The following SEMA4B variants were observed in gnomAD, a reference collection of about 807,000 sequenced individuals.
SEMA4B encodes the protein semaphorin 4B.
In SEMA4B, 55 loss-of-function variants were observed where a neutral mutation model predicts 88.1. The observed-to-expected ratio is 0.62, with a 90% confidence interval of 0.50 to 0.78. The LOEUF is 0.78. Ranked by LOEUF, SEMA4B falls within the 30% of genes least tolerant of loss-of-function variation. The pLI, the probability that SEMA4B is intolerant of heterozygous loss-of-function variation, is 0.00. For missense variants in SEMA4B, 1,062 were observed against 1,111.9 expected (o/e 0.96, Z 0.64); for synonymous variants, 525 against 473.6 (o/e 1.11, Z -1.41).
intron 1 of SEMA4B, among the ~76,000 whole-genome samples, chr15:90,187,569 G>C (rs1596111607): frequency 6.6e-6 from 1 of 152,198 alleles, no homozygotes; most frequent in African/African-American, 2.4e-5. Context: ...TCTGAGCAGA[G>C]TGCAGAGGGA....
At chr15:90,208,845 G>A (rs940971081) in intron 1 of SEMA4B, among the ~76,000 whole-genome samples, 7 of 151,468 alleles carry the variant, frequency 4.6e-5, no homozygotes, top group African/African-American at 1.2e-4. Context: ...AGGCTTAAGC[G>A]ATCTTCCCAC....
chr15:90,206,971 A>C (rs1290217768), intron 1 of SEMA4B: 1 of 558,466 alleles, frequency 1.8e-6, no homozygotes, highest in Non-Finnish European at 3.2e-6. Context: ...GAAATGAAGA[A>C]AATATCTTTG....
At chr15:90,217,893 A>G (rs1961614996) in intron 3 of SEMA4B, 64 bp downstream of exon 3, 11 of 1,417,516 alleles carry the variant, frequency 7.8e-6, no homozygotes, top group South Asian at 7.2e-5. Flanking sequence ...ACTTCCATCC[A>G]GGCCAGAGGC....
chr15:90,212,586 G>T lies in SEMA4B; in HGVS notation c.158-4853G>T, dbSNP rs1961322442. Among the ~76,000 whole-genome samples the T allele has an allele frequency of 6.6e-6, 1 of 152,050 alleles. No homozygotes were observed. On this transcript the variant is annotated intron_variant, in intron 1 of 13. Coordinates refer to ENST00000411539, the MANE Select transcript of SEMA4B (RefSeq NM_198925.4). The surrounding 1 kb of genome is among the most constrained non-coding windows in gnomAD (Gnocchi z 4.0). ...AAAGTGCAGAAACACCTCCACCCCT[G>T]CACAAAGAGCACCTAGGAGTGAGTG...
intron 1 of SEMA4B, among the ~76,000 whole-genome samples, chr15:90,215,379 T>C (rs1316198092): frequency 6.9e-6 from 1 of 144,432 alleles, no homozygotes; most frequent in African/African-American, 2.9e-5. Flanking sequence ...TCCTTCTGGA[T>C]TTTTTTCCTA....
chr15:90,219,719 A>AG (rs3833824), intron 3 of SEMA4B, 74 bp from the exon 4 acceptor site: 381,416 of 1,138,832 alleles, frequency 0.33, 66,282 homozygotes, highest in African/African-American at 0.46. Flanking sequence ...TGGGTGTGGA[A>AG]GGGGGGGCTC....
chr15:90,201,269 G>A (rs939254788), upstream of SEMA4B: 2 of 1,070,270 alleles, frequency 1.9e-6, no homozygotes, highest in East Asian at 5.8e-5. Flanking sequence ...AGGAGGAAGG[G>A]GGAAGGGGGC....
In SEMA4B at chr15:90,228,316, G is replaced by A. The variant is rs1175767461; in HGVS notation, c.2187G>A (p.Val729=). Reference sequence around the variant, plus strand: ...TGTGCACGCTCTTTGTGCTGGCCGTGCTGCTCCCAGTTTTATTCTTGCTCT... The same window carrying A: ...TGTGCACGCTCTTTGTGCTGGCCGTACTGCTCCCAGTTTTATTCTTGCTCT... The part of the protein sequence containing the change: ...LVMCTLFVLA[V]LLPVLFLLYR... Residue 729 remains valine, a synonymous_variant, in exon 14 of 14, where the codon GTG becomes GTA. Coordinates refer to ENST00000411539, the MANE Select transcript of SEMA4B (RefSeq NM_198925.4). 1 of 1,597,418 alleles carries A rather than the reference G, an allele frequency of 6.3e-7. No individual in the cohort carries two copies. Among genetic ancestry groups the A allele is most frequent in the Non-Finnish European group, 8.5e-7 (1 of 1,171,142 alleles).
At chr15:90,223,533 C>T (rs1197601867) in intron 7 of SEMA4B, 26 bp from the exon 8 acceptor site, 1 of 1,549,388 alleles carries the variant, frequency 6.5e-7, no homozygotes, top group East Asian at 2.3e-5. Flanking sequence ...TGTGCCTAAG[C>T]CCAGCCCATC....
chr15:90,202,525 G>C (rs1025194633), intron 1 of SEMA4B, among the ~76,000 whole-genome samples: 2 of 152,142 alleles, frequency 1.3e-5, no homozygotes, highest in African/African-American at 4.8e-5. Flanking sequence ...CCATCCGGTT[G>C]CTTCTCCAGC....
At chr15:90,227,810 G>A (rs1781375752) in intron 13 of SEMA4B, 94 bp from the exon 14 acceptor site, 43 of 1,568,314 alleles carry the variant, frequency 2.7e-5, no homozygotes, top group Middle Eastern at 1.7e-4. Context: ...GTTGCCCATC[G>A]TGGCACCAGG....
chr15:90,210,185 C>T (rs1257192095), intron 1 of SEMA4B, among the ~76,000 whole-genome samples: 1 of 152,022 alleles, frequency 6.6e-6, no homozygotes. Context: ...GGTGAGACAC[C>T]CAGGTGAGTG....
Position 90,188,699 on chromosome 15 carries a change from CAG to C in SEMA4B, c.-122+3621_-122+3622del, listed in dbSNP as rs200111840. The stretch of plus-strand genomic sequence containing the variant: ...GTCTTTTTTTGTTTGTTTTTTGAGA[CAG>C]AGTCTCGCTCACTCTGGGTGCAGTG... On this transcript the variant is annotated intron_variant, in intron 1 of 14. Coordinates refer to the SEMA4B transcript ENST00000332496. 9.4e-3 allele frequency among the ~76,000 whole-genome samples: 1,426 copies of C among 152,074 alleles called. 21 individuals are homozygous for C. The highest frequency in any genetic ancestry group is 0.031 in the African/African-American group (1,300 of 41,492).
Position 90,201,727 on chromosome 15 carries a change from T to C in SEMA4B, c.149T>C (p.Leu50Pro). 6.9e-7 allele frequency: 1 copy of C among 1,456,612 alleles called. No individual in the cohort carries two copies. The highest frequency in any genetic ancestry group is 9.0e-7 in the Non-Finnish European group (1 of 1,108,920). 90.2% of individuals were successfully genotyped at this position (1,456,612 alleles called of 1,614,324 possible). The change falls in exon 1 of 14, where the codon CTG (leucine) becomes CCG (proline). Residue 50 changes from leucine (L) to proline (P), a missense_variant. Transcript: ENST00000411539. ...PTWALSPRISLPLGSEERPFL... is the reference protein window; with the variant it reads ...PTWALSPRISPPLGSEERPFL... The stretch of plus-strand genomic sequence containing the variant: ...TGGGCGCTCAGCCCCCGGATCAGCC[T>C]GCCTCTGGGTGAGTGCCGGGGACCC...
At chr15:90,200,600 G>A (rs1490054849), upstream of SEMA4B, among the ~76,000 whole-genome samples, 1 of 152,186 alleles carries the variant, frequency 6.6e-6, no homozygotes, top group Non-Finnish European at 1.5e-5. Flanking sequence ...GAGCCAGGAG[G>A]ATTAGGGGTG....
At chr15:90,187,855 A>G (rs992696671) in intron 1 of SEMA4B, among the ~76,000 whole-genome samples, 4 of 152,072 alleles carry the variant, frequency 2.6e-5, no homozygotes, top group African/African-American at 9.7e-5. Flanking sequence ...AAATACAAAA[A>G]TTAGCCGGGC....
intron 3 of SEMA4B, 37 bp from the exon 4 acceptor site, chr15:90,219,756 G>C (rs1961711123): frequency 6.5e-7 from 1 of 1,550,384 alleles, no homozygotes; most frequent in Non-Finnish European, 8.9e-7. Context: ...GGCATGCTTG[G>C]GCGTGGGACT....
intron 11 of SEMA4B, 105 bp downstream of exon 11, chr15:90,225,502 A>G (rs1596159873): frequency 1.5e-6 from 2 of 1,314,270 alleles, no homozygotes; most frequent in Non-Finnish European, 2.1e-6. Context: ...AGGAGGATGG[A>G]AAGATAAAGG....
At chr15:90,225,625 C>T (rs777787090) in intron 11 of SEMA4B, 36 bp from the exon 12 acceptor site, 9 of 1,547,600 alleles carry the variant, frequency 5.8e-6, no homozygotes, top group Non-Finnish European at 4.4e-6. Context: ...CCTGGCTGCC[C>T]ATGCCCGCTT....
Sources: gnomAD v4.1 joint callset for allele counts (sites outside exome capture counted in the v4.1 genomes callset) on GRCh38, gnomAD v4.1.1 for gene constraint, Gnocchi (gnomAD v3.1) non-coding constraint, MANE v1.5 for transcripts, NCBI Gene and HGNC (gene_info 2026-07-23, HGNC 2026-07-21) for gene names.